Variants in FAM171B observed in about 807,000 individuals in gnomAD.
FAM171B encodes family with sequence similarity 171 member B, also known as protein FAM171B.
FAM171B carries 19 observed loss-of-function variants against 75.6 expected under a neutral mutation model. That is an observed-to-expected ratio of 0.25 (90% CI 0.18 to 0.37). FAM171B has a LOEUF of 0.37. Ranked by LOEUF, FAM171B falls within the 10% of genes least tolerant of loss-of-function variation. FAM171B has a pLI of 1.00. For synonymous variants in FAM171B, 367 were observed against 361.7 expected (o/e 1.01, Z -0.17); for missense variants, 848 against 982.4 (o/e 0.86, Z 1.83).
intron 3 of FAM171B, among the ~76,000 whole-genome samples, chr2:186,745,629 C>G (rs1309230481): frequency 6.6e-6 from 1 of 152,176 alleles, no homozygotes; most frequent in Non-Finnish European, 1.5e-5. Flanking sequence ...TACTGCTGAA[C>G]TTCCATAACA....
intron 1 of FAM171B, among the ~76,000 whole-genome samples, chr2:186,713,820 G>A (rs1323211420): frequency 2.0e-5 from 3 of 152,120 alleles, no homozygotes; most frequent in East Asian, 1.9e-4. Flanking sequence ...AATCAGTGAG[G>A]TATTCATCTG....
At chr2:186,738,380 C>T (rs531757339) in intron 1 of FAM171B, among the ~76,000 whole-genome samples, 7 of 151,916 alleles carry the variant, frequency 4.6e-5, no homozygotes, top group South Asian at 4.2e-4. Flanking sequence ...GGAAGGCTCT[C>T]GGTGGAGAGG....
intron 1 of FAM171B, among the ~76,000 whole-genome samples, chr2:186,716,522 A>G (rs1437330662): frequency 2.0e-5 from 3 of 152,184 alleles, no homozygotes; most frequent in Admixed American, 6.5e-5. Flanking sequence ...CCTTATTGAT[A>G]TATTTGCATC....
At chr2:186,756,312 G>A (rs565891284) in intron 6 of FAM171B, among the ~76,000 whole-genome samples, 12 of 144,890 alleles carry the variant, frequency 8.3e-5, no homozygotes, top group Non-Finnish European at 1.8e-4. Flanking sequence ...TACTACATTA[G>A]AAGTATGGAT....
intron 1 of FAM171B, among the ~76,000 whole-genome samples, chr2:186,739,904 G>C (rs1167154132): frequency 1.3e-5 from 2 of 152,254 alleles, no homozygotes; most frequent in East Asian, 3.9e-4. Flanking sequence ...ATTAACACGT[G>C]AGTAACACAT....
chr2:186,740,194 C>T (rs757281139), intron 1 of FAM171B, 34 bp from the exon 2 acceptor site: 25 of 1,490,842 alleles, frequency 1.7e-5, no homozygotes, highest in East Asian at 6.8e-5. Flanking sequence ...TTCTAGGATA[C>T]GACATGCTGC....
intron 1 of FAM171B, among the ~76,000 whole-genome samples, chr2:186,705,717 A>T (rs1184055354): frequency 1.3e-5 from 2 of 152,246 alleles, no homozygotes; most frequent in Non-Finnish European, 1.5e-5. Context: ...TGCAGATATG[A>T]TGGGTAAAAT....
rs1690671678 is a variant in FAM171B at position 186,764,488 on chromosome 2, T to TTTA, written c.*1665_*1666insTTA. The TTTA allele has an allele frequency of 2.6e-5, 1 of 38,704 alleles. No homozygotes were observed. Among genetic ancestry groups the TTTA allele is most frequent in the Non-Finnish European group, 7.2e-5 (1 of 13,954 alleles). The allele number at this position is 38,704 out of a possible 1,614,324, so 2.4% of individuals were successfully genotyped here. A position where few individuals can be genotyped will look rare whatever the true frequency, so the allele number is the denominator to read the frequency against. On this transcript the variant is annotated 3_prime_UTR_variant, in exon 8 of 8. Transcript: ENST00000304698. Reference sequence around the variant, plus strand: ...CTTTTTTTTTTTTTTTTTTTTTTTTTAGTGATAAGGCTCATAACAATTAAT... The same window carrying TTTA: ...CTTTTTTTTTTTTTTTTTTTTTTTTTTTAAGTGATAAGGCTCATAACAATTAAT...
chr2:186,721,428 T>A (rs1195369294), intron 1 of FAM171B, among the ~76,000 whole-genome samples: 4 of 152,340 alleles, frequency 2.6e-5, no homozygotes, highest in South Asian at 4.1e-4. Flanking sequence ...ATTTCATTTA[T>A]TCAAGCAATC....
chr2:186,703,401 A>G (rs1574095636), intron 1 of FAM171B, among the ~76,000 whole-genome samples: 2 of 152,340 alleles, frequency 1.3e-5, no homozygotes, highest in Middle Eastern at 3.4e-3. Flanking sequence ...CTTTCAACTC[A>G]TAGCTCATGC....
At chr2:186,743,379 C>T (rs2105786967) in intron 2 of FAM171B, 104 bp from the exon 3 acceptor site, 2 of 688,428 alleles carry the variant, frequency 2.9e-6, no homozygotes, top group Middle Eastern at 2.5e-4. Context: ...ATTTGTTCCC[C>T]CCCACAACAC....
chr2:186,739,778 A>G (rs912323611), intron 1 of FAM171B, among the ~76,000 whole-genome samples: 1 of 152,250 alleles, frequency 6.6e-6, no homozygotes, highest in Non-Finnish European at 1.5e-5. Context: ...TAAAAAGTAT[A>G]GTAAATTCAT....
chr2:186,723,808 G>T (rs1033332781), intron 1 of FAM171B, among the ~76,000 whole-genome samples: 1 of 152,116 alleles, frequency 6.6e-6, no homozygotes, highest in Non-Finnish European at 1.5e-5. Context: ...CTTCAAGGCC[G>T]TCTACCTCAT....
chr2:186,760,024 A>G (rs1411575790), intron 6 of FAM171B, among the ~76,000 whole-genome samples: 1 of 152,126 alleles, frequency 6.6e-6, no homozygotes, highest in Admixed American at 6.6e-5. Context: ...TTTTCCCAGC[A>G]CTATGTATTG....
At position 186,764,463 on chromosome 2, in the gene FAM171B, C is replaced by CTTTTTTTTT. The variant is rs35271927; in HGVS notation, c.*1657_*1665dup. On this transcript the variant is annotated 3_prime_UTR_variant, in exon 8 of 8. Coordinates refer to ENST00000304698, the MANE Select transcript of FAM171B (RefSeq NM_177454.4). ...ATGTTTTGGGTAATACCTAGGCTTCCTTTTTTTTTTTTTTTTTTTTTTTTT... is the reference window on the plus strand; with the variant it reads ...ATGTTTTGGGTAATACCTAGGCTTCCTTTTTTTTTTTTTTTTTTTTTTTTTTTTTTTTTT... 1.2e-4 allele frequency: 10 copies of CTTTTTTTTT among 83,058 alleles called. No individual in the cohort carries two copies. Among genetic ancestry groups the CTTTTTTTTT allele is most frequent in the Non-Finnish European group, 1.8e-4 (8 of 44,972 alleles). 5.1% of individuals were successfully genotyped at this position (83,058 alleles called of 1,614,324 possible).
At chr2:186,728,632 C>T (rs1360745887) in intron 1 of FAM171B, among the ~76,000 whole-genome samples, 1 of 152,134 alleles carries the variant, frequency 6.6e-6, no homozygotes, top group Non-Finnish European at 1.5e-5. Context: ...AAAAATTTGA[C>T]CTATAGTCTG....
intron 1 of FAM171B, among the ~76,000 whole-genome samples, chr2:186,697,019 GATGGATGGATGGATGGATGGATGAATGA>G (rs1689593053): frequency 2.0e-5 from 3 of 152,090 alleles, no homozygotes; most frequent in Admixed American, 2.0e-4. Context: ...TGGATGGATG[GATGGATGGATGGATGGATGGATGAATGA>G]ATGAATGAAT....
chr2:186,752,414 AAG>A (rs1184919887), intron 5 of FAM171B, among the ~76,000 whole-genome samples: 3 of 152,168 alleles, frequency 2.0e-5, no homozygotes, highest in Non-Finnish European at 4.4e-5. Flanking sequence ...GTTTTAAAGA[AAG>A]AGTGGAAACT....
Position 186,760,069 on chromosome 2 carries a change from C to G in FAM171B, c.1013-1044C>G, listed in dbSNP as rs1194462655. Among the ~76,000 whole-genome samples the G allele has an allele frequency of 2.0e-5, 3 of 152,194 alleles. No individual in the cohort carries two copies. The East Asian group carries it at 5.8e-4, about 29-fold the overall frequency. ...TCCTTTCCCCAATATATGTTCTTGGCACCTTTGTTGAAAATGAATTCACTG... is the reference window on the plus strand; with the variant it reads ...TCCTTTCCCCAATATATGTTCTTGGGACCTTTGTTGAAAATGAATTCACTG... On this transcript the variant is annotated intron_variant, in intron 6 of 7. Coordinates refer to ENST00000304698, the MANE Select transcript of FAM171B (RefSeq NM_177454.4).
Sources: gnomAD v4.1 joint callset for allele counts (sites outside exome capture counted in the v4.1 genomes callset) on GRCh38, gnomAD v4.1.1 for gene constraint, MANE v1.5 for transcripts, NCBI Gene and HGNC (gene_info 2026-07-23, HGNC 2026-07-21) for gene names.